SPMAP2L: variants seen among roughly 807,000 people sequenced by gnomAD.
SPMAP2L encodes the protein sperm microtubule associated protein 2 like.
At chr4:56,608,936 G>A in the SPMAP2L span, among the ~76,000 whole-genome samples, 1 of 152,014 alleles carries the variant, frequency 6.6e-6, no homozygotes, top group Non-Finnish European at 1.5e-5. Context: ...TTGCCTTGTT[G>A]GGTTTTGGAC....
chr4:56,605,336 C>G, the SPMAP2L span, among the ~76,000 whole-genome samples: 1 of 152,124 alleles, frequency 6.6e-6, no homozygotes, highest in Non-Finnish European at 1.5e-5. Flanking sequence ...GGGTTCTGCT[C>G]TCACGGACTC....
At chr4:56,601,037 G>T in the SPMAP2L span, 1 of 1,535,200 alleles carries the variant, frequency 6.5e-7, no homozygotes, top group African/African-American at 1.4e-5. Flanking sequence ...GATGCCCATT[G>T]GCCAGTATCT....
At chr4:56,621,787 G>A in the SPMAP2L span, among the ~76,000 whole-genome samples, 2 of 152,194 alleles carry the variant, frequency 1.3e-5, no homozygotes, top group Non-Finnish European at 2.9e-5. Flanking sequence ...AGTTGTTTGT[G>A]TGATTAATAA....
At chr4:56,584,350 G>C in the SPMAP2L span, 30 of 588,928 alleles carry the variant, frequency 5.1e-5, no homozygotes, top group African/African-American at 5.2e-4. Flanking sequence ...ACACCAATCT[G>C]ATAGAAAGAG....
chr4:56,564,237 G>C, the SPMAP2L span, among the ~76,000 whole-genome samples: 14 of 150,842 alleles, frequency 9.3e-5, no homozygotes, highest in Non-Finnish European at 1.6e-4. Flanking sequence ...AGGCTCAAGC[G>C]AACCTCCCAC....
chr4:56,599,703 T>A, the SPMAP2L span, among the ~76,000 whole-genome samples: 1 of 152,222 alleles, frequency 6.6e-6, no homozygotes, highest in Admixed American at 6.5e-5. Flanking sequence ...GGCTTCCAGC[T>A]CCATCCATAT....
chr4:56,613,559 A>G, the SPMAP2L span, among the ~76,000 whole-genome samples: 1 of 152,078 alleles, frequency 6.6e-6, no homozygotes, highest in Non-Finnish European at 1.5e-5. Context: ...GCAATAACAG[A>G]CCTCAACTAG....
chr4:56,605,830 A>C, the SPMAP2L span, among the ~76,000 whole-genome samples: 52 of 152,320 alleles, frequency 3.4e-4, no homozygotes, highest in African/African-American at 1.2e-3. Context: ...TAAAACCTTG[A>C]GTTCGTGTCC....
the SPMAP2L span, among the ~76,000 whole-genome samples, chr4:56,560,081 T>C: frequency 6.6e-6 from 1 of 152,154 alleles, no homozygotes; most frequent in East Asian, 1.9e-4. Flanking sequence ...TTAAAAAAAA[T>C]AAAGTGAAGG....
At chr4:56,552,516 T>G in the SPMAP2L span, 1 of 1,208,114 alleles carries the variant, frequency 8.3e-7, no homozygotes, top group Non-Finnish European at 1.2e-6. Flanking sequence ...TTCTTAAGCA[T>G]TCTCTTTGAA....
At chr4:56,531,227 C>T in the SPMAP2L span, 3 of 1,473,932 alleles carry the variant, frequency 2.0e-6, no homozygotes, top group Non-Finnish European at 2.7e-6. Context: ...TCATTCCCCA[C>T]GCGCTGAGCA....
At chr4:56,611,125 G>A in the SPMAP2L span, among the ~76,000 whole-genome samples, 3 of 152,254 alleles carry the variant, frequency 2.0e-5, no homozygotes, top group South Asian at 4.1e-4. Flanking sequence ...GTCATTATAC[G>A]AAAAAGATAC....
the SPMAP2L span, among the ~76,000 whole-genome samples, chr4:56,626,091 A>C: frequency 6.6e-6 from 1 of 152,370 alleles, no homozygotes; most frequent in East Asian, 1.9e-4. Context: ...TTCAGCTGAG[A>C]GGAAACTGAA....
chr4:56,566,252 G>A, the SPMAP2L span, among the ~76,000 whole-genome samples: 1 of 152,082 alleles, frequency 6.6e-6, no homozygotes, highest in East Asian at 1.9e-4. Context: ...AGGCTGGACT[G>A]CAGTGGCACA....
At chr4:56,624,785 T>C in the SPMAP2L span, among the ~76,000 whole-genome samples, 1 of 152,290 alleles carries the variant, frequency 6.6e-6, no homozygotes, top group East Asian at 1.9e-4. Flanking sequence ...TACTTGGATG[T>C]CCAGGCAAAA....
At chr4:56,530,849 C>T in the SPMAP2L span, 4 of 1,534,900 alleles carry the variant, frequency 2.6e-6, no homozygotes, top group Non-Finnish European at 3.5e-6. Context: ...CACGAGAATC[C>T]CGAGGAACCC....
the SPMAP2L span, among the ~76,000 whole-genome samples, chr4:56,565,864 G>C: frequency 6.6e-6 from 1 of 151,972 alleles, no homozygotes; most frequent in Non-Finnish European, 1.5e-5. Flanking sequence ...TTTATCATTG[G>C]TAACATATGT....
At chr4:56,593,569 A>G in the SPMAP2L span, 1 of 1,602,024 alleles carries the variant, frequency 6.2e-7, no homozygotes, top group Non-Finnish European at 8.6e-7. Flanking sequence ...TCTTGAGGCC[A>G]CCGGGAGAAT....
At chr4:56,568,861 T>C in the SPMAP2L span, among the ~76,000 whole-genome samples, 1 of 152,214 alleles carries the variant, frequency 6.6e-6, no homozygotes, top group Non-Finnish European at 1.5e-5. Context: ...CTATTTTCTG[T>C]TCCTATAAGT....
Sources: allele counts gnomAD v4.1 joint callset (sites outside exome capture counted in the v4.1 genomes callset), GRCh38; gene constraint gnomAD v4.1.1; transcripts MANE v1.5; gene names NCBI Gene and HGNC (gene_info 2026-07-23, HGNC 2026-07-21).